TTC7B: variants seen among roughly 807,000 people sequenced by gnomAD.
TTC7B encodes the protein tetratricopeptide repeat domain 7B.
A neutral mutation model predicts 106.8 loss-of-function variants in TTC7B; 28 were observed. That is an observed-to-expected ratio of 0.26 (90% CI 0.19 to 0.36). The LOEUF is 0.36. Ranked by LOEUF, TTC7B falls within the 10% of genes least tolerant of loss-of-function variation. The probability of loss-of-function intolerance (pLI) is 1.00; values close to 1 mark genes in which losing one functional copy is unlikely to be tolerated. For missense variants in TTC7B, 862 were observed against 1,076.4 expected (o/e 0.80, Z 2.79); for synonymous variants, 405 against 430.6 (o/e 0.94, Z 0.74).
intron 19 of TTC7B, among the ~76,000 whole-genome samples, chr14:90,566,312 C>T (rs1266436457): frequency 6.6e-6 from 1 of 151,734 alleles, no homozygotes; most frequent in African/African-American, 2.4e-5. Flanking sequence ...CCACTGTACT[C>T]CAGCATGGGG....
At chr14:90,642,892 G>C (rs371589526) in intron 15 of TTC7B, among the ~76,000 whole-genome samples, 1 of 152,032 alleles carries the variant, frequency 6.6e-6, no homozygotes, top group Non-Finnish European at 1.5e-5. Context: ...ATCACCGAGA[G>C]CTAGTGGAAG....
intron 3 of TTC7B, among the ~76,000 whole-genome samples, chr14:90,765,437 A>G (rs1890642915): frequency 6.6e-6 from 1 of 152,208 alleles, no homozygotes; most frequent in Non-Finnish European, 1.5e-5. Context: ...ACTGAATTGT[A>G]CACTTTAAAG....
intron 3 of TTC7B, among the ~76,000 whole-genome samples, chr14:90,754,448 C>G (rs906273128): frequency 1.2e-4 from 18 of 152,184 alleles, no homozygotes; most frequent in African/African-American, 4.1e-4. Context: ...AGCAGACACA[C>G]AGAAAACAGT....
chr14:90,739,237 A>C (rs1168162177), intron 4 of TTC7B, among the ~76,000 whole-genome samples: 1 of 152,214 alleles, frequency 6.6e-6, no homozygotes, highest in Non-Finnish European at 1.5e-5. Flanking sequence ...GAAATATTAC[A>C]TCAAGCTATG....
chr14:90,764,366 A>C (rs1322016410), intron 3 of TTC7B, among the ~76,000 whole-genome samples: 1 of 152,148 alleles, frequency 6.6e-6, no homozygotes, highest in Admixed American at 6.5e-5. Context: ...TCATAGAAGA[A>C]ATCACAAGAG....
intron 8 of TTC7B, among the ~76,000 whole-genome samples, chr14:90,679,696 T>C (rs1408316647): frequency 6.6e-6 from 1 of 152,226 alleles, no homozygotes; most frequent in South Asian, 2.1e-4. Context: ...GTGCTCAGTA[T>C]ACATCACTTT....
rs983607692 is a variant in TTC7B, at chr14:90,534,429, T to A, written c.*6939A>T. 1 of 152,490 alleles carries A rather than the reference T, an allele frequency of 6.6e-6. No homozygotes were observed. Among genetic ancestry groups the A allele is most frequent in the Non-Finnish European group, 1.5e-5 (1 of 68,274 alleles). 9.4% of individuals were successfully genotyped at this position (152,490 alleles called of 1,614,324 possible). A position where few individuals can be genotyped will look rare whatever the true frequency, so the allele number is the denominator to read the frequency against. ...GGCCTCAAAGGCTTATGGTCAAGTG[T>A]GTGGCTGCTTCTGGAGTAGGCAGGA... On this transcript the variant is annotated 3_prime_UTR_variant, in exon 20 of 20. Transcript: ENST00000328459.
intron 2 of TTC7B, among the ~76,000 whole-genome samples, chr14:90,781,753 A>C (rs1451041688): frequency 6.6e-6 from 1 of 152,078 alleles, no homozygotes; most frequent in African/African-American, 2.4e-5. Context: ...TTCTAAACTG[A>C]GGTGACCTGG....
At chr14:90,717,475 T>C (rs17126975) in intron 5 of TTC7B, among the ~76,000 whole-genome samples, 3,106 of 152,288 alleles carry the variant, frequency 0.02, 102 homozygotes, top group African/African-American at 0.072. Context: ...GACATTGCCA[T>C]ACAAATATAA....
At chr14:90,779,597 C>A (rs1891144721) in intron 3 of TTC7B, among the ~76,000 whole-genome samples, 1 of 152,234 alleles carries the variant, frequency 6.6e-6, no homozygotes, top group Admixed American at 6.5e-5. Flanking sequence ...AGCTACCGCA[C>A]CTGGTCGAGA....
intron 18 of TTC7B, among the ~76,000 whole-genome samples, chr14:90,584,714 G>A (rs896204515): frequency 6.6e-6 from 1 of 151,370 alleles, no homozygotes; most frequent in South Asian, 2.1e-4. Context: ...GGTACCTCCC[G>A]ACCTCGCAGC....
chr14:90,784,355 AGACCATCCTGG>A (rs1448213344), intron 2 of TTC7B, among the ~76,000 whole-genome samples: 2 of 152,212 alleles, frequency 1.3e-5, no homozygotes, highest in Non-Finnish European at 2.9e-5. Flanking sequence ...GAGGAGATTG[AGACCATCCTGG>A]CTAACACGGT....
At chr14:90,801,906 C>A (rs1248704260) in intron 1 of TTC7B, among the ~76,000 whole-genome samples, 3 of 151,866 alleles carry the variant, frequency 2.0e-5, no homozygotes, top group Non-Finnish European at 4.4e-5. Context: ...ACTAAAAGTA[C>A]AAAAATTAGC....
intron 19 of TTC7B, among the ~76,000 whole-genome samples, chr14:90,548,424 T>C (rs377329462): frequency 2.0e-5 from 3 of 152,230 alleles, no homozygotes; most frequent in Admixed American, 1.3e-4. Flanking sequence ...CAAGTAAACC[T>C]GGGAGGACAA....
At chr14:90,816,132 C>A in intron 1 of TTC7B, 43 bp downstream of exon 1, 3 of 1,074,512 alleles carry the variant, frequency 2.8e-6, no homozygotes, top group Non-Finnish European at 3.4e-6. Flanking sequence ...CCGCGGAGGC[C>A]GCGGCGCCCC....
chr14:90,590,244 G>C (rs1891900793), intron 18 of TTC7B, among the ~76,000 whole-genome samples: 1 of 152,188 alleles, frequency 6.6e-6, no homozygotes, highest in African/African-American at 2.4e-5. Flanking sequence ...TTACAAAGCA[G>C]CTGGCGGCAC....
rs562491834 is a variant in TTC7B at position 90,729,725 on chromosome 14, T to C, written c.698+350A>G. ...CCTGTGTGCCAGGATTTCCAATTCA[T>C]TAACTTTTTCCTTAACAAATGGGGA... On this transcript the variant is annotated intron_variant, in intron 5 of 19. Coordinates refer to ENST00000328459, the MANE Select transcript of TTC7B (RefSeq NM_001010854.2). Among the ~76,000 whole-genome samples the C allele has an allele frequency of 2.0e-5, 3 of 152,342 alleles. No individual in the cohort carries two copies. In the South Asian group the frequency reaches 6.2e-4, roughly 32 times the overall value.
chr14:90,602,643 G>A (rs1055935784), intron 17 of TTC7B, among the ~76,000 whole-genome samples: 2 of 151,774 alleles, frequency 1.3e-5, no homozygotes, highest in African/African-American at 4.8e-5. Flanking sequence ...CCAGGCTTCA[G>A]TGAGCTGTAA....
intron 5 of TTC7B, among the ~76,000 whole-genome samples, chr14:90,726,590 A>G (rs1889112465): frequency 6.6e-6 from 1 of 152,160 alleles, no homozygotes; most frequent in Admixed American, 6.5e-5. Flanking sequence ...TTCCATGTGC[A>G]TATTTTTATT....
Sources: allele counts gnomAD v4.1 joint callset (sites outside exome capture counted in the v4.1 genomes callset), GRCh38; gene constraint gnomAD v4.1.1; transcripts MANE v1.5; gene names NCBI Gene and HGNC (gene_info 2026-07-23, HGNC 2026-07-21).